LGSN: variants seen among roughly 807,000 people sequenced by gnomAD.
The protein encoded by LGSN is lengsin.
Under a neutral mutation model 19.5 loss-of-function variants are expected in LGSN, and 21 were observed. The observed-to-expected ratio is 1.07, with a 90% CI of 0.76 to 1.55. The LOEUF (loss-of-function observed/expected upper bound fraction) is 1.55. Among genes scored for constraint, LGSN ranks in the 40% most tolerant of loss-of-function variants. The pLI is 0.00. For missense variants in LGSN, 673 were observed against 608.5 expected (o/e 1.11, Z -1.12); for synonymous variants, 257 against 215.6 (o/e 1.19, Z -1.68).
At chr6:63,529,205 G>T in the LGSN span, among the ~76,000 whole-genome samples, 5 of 145,800 alleles carry the variant, frequency 3.4e-5, no homozygotes, top group Admixed American at 2.8e-4. Context: ...ATATATATAT[G>T]TATATATATT....
At chr6:63,487,418 A>G in the LGSN span, among the ~76,000 whole-genome samples, 1 of 152,218 alleles carries the variant, frequency 6.6e-6, no homozygotes, top group Non-Finnish European at 1.5e-5. Context: ...CCTACAGCAA[A>G]CTTTGCAAAT....
the LGSN span, among the ~76,000 whole-genome samples, chr6:63,554,607 G>A: frequency 1.3e-5 from 2 of 152,222 alleles, no homozygotes; most frequent in Middle Eastern, 3.4e-3. Context: ...AGACCAGCCT[G>A]GCCAACATGG....
the LGSN span, among the ~76,000 whole-genome samples, chr6:63,388,809 C>T: frequency 1.3e-5 from 2 of 152,186 alleles, no homozygotes; most frequent in South Asian, 2.1e-4. Context: ...AGACAGAGAA[C>T]TTGTTGTCAG....
the LGSN span, among the ~76,000 whole-genome samples, chr6:63,555,274 G>T: frequency 9.9e-5 from 15 of 152,162 alleles, no homozygotes; most frequent in Admixed American, 4.6e-4. Flanking sequence ...AACATTAGAG[G>T]ATTGAGTCAG....
At chr6:63,336,973 G>T in the LGSN span, among the ~76,000 whole-genome samples, 1 of 151,044 alleles carries the variant, frequency 6.6e-6, no homozygotes, top group Non-Finnish European at 1.5e-5. Flanking sequence ...ACCCAGGCTG[G>T]AGTGCAATGG....
At chr6:63,344,110 T>C in the LGSN span, among the ~76,000 whole-genome samples, 171 of 152,316 alleles carry the variant, frequency 1.1e-3, 1 homozygote, top group Middle Eastern at 0.01. Context: ...TTTGGCCTTG[T>C]AAGACCCTAA....
At chr6:63,459,082 A>C in the LGSN span, among the ~76,000 whole-genome samples, 1 of 152,230 alleles carries the variant, frequency 6.6e-6, no homozygotes, top group African/African-American at 2.4e-5. Flanking sequence ...ATTTTACCTG[A>C]AAGACCAAGT....
the LGSN span, among the ~76,000 whole-genome samples, chr6:63,409,375 A>G: frequency 6.6e-6 from 1 of 152,204 alleles, no homozygotes; most frequent in Non-Finnish European, 1.5e-5. Context: ...ATAGTTTTAC[A>G]TATATCTAAA....
the LGSN span, among the ~76,000 whole-genome samples, chr6:63,490,592 T>A: frequency 7.0e-4 from 107 of 152,246 alleles, no homozygotes; most frequent in Non-Finnish European, 1.2e-3. Flanking sequence ...TATTATTATT[T>A]TTGAGACAGA....
At chr6:63,381,916 G>T in the LGSN span, among the ~76,000 whole-genome samples, 3 of 152,086 alleles carry the variant, frequency 2.0e-5, no homozygotes, top group Non-Finnish European at 2.9e-5. Context: ...GGATAATATT[G>T]TTTTTTTAAT....
chr6:63,497,940 CAG>C, the LGSN span, among the ~76,000 whole-genome samples: 1 of 44,930 alleles, frequency 2.2e-5, no homozygotes. Flanking sequence ...TTTCTTGAGA[CAG>C]AGTTTTGCTC....
At chr6:63,292,868 C>T (rs184134658) in intron 2 of LGSN, among the ~76,000 whole-genome samples, 248 of 152,272 alleles carry the variant, frequency 1.6e-3, no homozygotes, top group Admixed American at 2.8e-3. Flanking sequence ...CTAAGATTAA[C>T]TTGGGGGATT....
At chr6:63,430,276 TC>T in the LGSN span, among the ~76,000 whole-genome samples, 1 of 152,174 alleles carries the variant, frequency 6.6e-6, no homozygotes, top group East Asian at 1.9e-4. Flanking sequence ...CTGGTAACAT[TC>T]CATCTCTTGC....
the LGSN span, among the ~76,000 whole-genome samples, chr6:63,545,376 G>A: frequency 6.6e-6 from 1 of 152,180 alleles, no homozygotes; most frequent in African/African-American, 2.4e-5. Flanking sequence ...TTGGGAGGCG[G>A]AGGCAGATGG....
the LGSN span, among the ~76,000 whole-genome samples, chr6:63,366,872 G>A: frequency 0.11 from 15,608 of 145,516 alleles, 2,024 homozygotes; most frequent in African/African-American, 0.31. Context: ...GGTGCTGGGA[G>A]AACTGGCTAG....
chr6:63,280,731 A>G lies in LGSN; in HGVS notation c.820T>C (p.Phe274Leu), dbSNP rs1375436931. The G allele has an allele frequency of 1.2e-6, 2 of 1,614,154 alleles. No homozygotes were observed. The highest frequency in any genetic ancestry group is 1.7e-6 in the Non-Finnish European group (2 of 1,180,028). ...GQMEISFLPE[F>L]GISSADNAFT... ...GCATTATCAGCTGAGCTAATGCCAA[A>G]TTCAGGCAGGAAAGAGATTTCCATC... The change falls in exon 4 of 4, where the codon TTT becomes CTT. Residue 274 changes from phenylalanine to leucine, a missense_variant. Physicochemically the swap from Phe to Leu is conservative, Grantham distance 22. Transcript: ENST00000370657.
At chr6:63,405,033 C>T in the LGSN span, among the ~76,000 whole-genome samples, 1 of 146,300 alleles carries the variant, frequency 6.8e-6, no homozygotes, top group Admixed American at 7.1e-5. Flanking sequence ...TCAATTCCCA[C>T]CTATGAGTGA....
chr6:63,460,701 A>G, the LGSN span, among the ~76,000 whole-genome samples: 4 of 152,188 alleles, frequency 2.6e-5, no homozygotes, highest in African/African-American at 9.6e-5. Context: ...GGAAAAAATA[A>G]TAATCACAAT....
At chr6:63,284,149 T>C (rs750421990) in intron 3 of LGSN, among the ~76,000 whole-genome samples, 6 of 152,188 alleles carry the variant, frequency 3.9e-5, no homozygotes, top group Non-Finnish European at 8.8e-5. Flanking sequence ...TAAAAAAATA[T>C]AGATACTCTA....
Sources: gnomAD v4.1 joint callset for allele counts (sites outside exome capture counted in the v4.1 genomes callset) on GRCh38, gnomAD v4.1.1 for gene constraint, MANE v1.5 for transcripts, NCBI Gene and HGNC (gene_info 2026-07-23, HGNC 2026-07-21) for gene names.